The following RAB38 variants were observed in gnomAD, a reference collection of about 807,000 sequenced individuals.
The protein encoded by RAB38 is ras-related protein Rab-38.
In RAB38, 15 loss-of-function variants were observed where a neutral mutation model predicts 18.4. That is an observed-to-expected ratio of 0.82 (90% CI 0.55 to 1.26). The LOEUF (loss-of-function observed/expected upper bound fraction) is 1.26. Among genes scored for constraint, RAB38 ranks in the 50% most tolerant of loss-of-function variants. The probability of loss-of-function intolerance (pLI) is 0.00; values close to 1 mark genes in which losing one functional copy is unlikely to be tolerated. For missense variants in RAB38, 294 were observed against 267.4 expected, an observed-to-expected ratio of 1.10 and a Z score of -0.69; for synonymous variants, 101 against 104.4, an observed-to-expected ratio of 0.97 and a Z score of 0.20.
At chr11:87,938,727 C>A in the RAB38 span, among the ~76,000 whole-genome samples, 2 of 147,926 alleles carry the variant, frequency 1.4e-5, no homozygotes, top group South Asian at 2.1e-4. Flanking sequence ...TGTGACCATG[C>A]GCATTTCCAG....
chr11:88,017,801 A>C, the RAB38 span, among the ~76,000 whole-genome samples: 1 of 150,880 alleles, frequency 6.6e-6, no homozygotes, highest in South Asian at 2.1e-4. Context: ...TTTCAGACTG[A>C]TATGGTTTGG....
At chr11:87,849,631 A>G in the RAB38 span, among the ~76,000 whole-genome samples, 1 of 152,226 alleles carries the variant, frequency 6.6e-6, no homozygotes, top group East Asian at 1.9e-4. Context: ...TCCTGTGAAT[A>G]TCTTTGGGTG....
chr11:88,047,177 C>G, the RAB38 span, among the ~76,000 whole-genome samples: 1 of 152,198 alleles, frequency 6.6e-6, no homozygotes, highest in East Asian at 1.9e-4. Flanking sequence ...GCTCCCCCGG[C>G]TCCTTCAGCT....
chr11:87,940,502 G>A, the RAB38 span, among the ~76,000 whole-genome samples: 1 of 152,096 alleles, frequency 6.6e-6, no homozygotes, highest in Non-Finnish European at 1.5e-5. Context: ...ATTGATATGT[G>A]TCTGCCTGTG....
At chr11:88,017,734 AT>A in the RAB38 span, among the ~76,000 whole-genome samples, 628 of 146,722 alleles carry the variant, frequency 4.3e-3, 3 homozygotes, top group African/African-American at 0.015. Context: ...TTATATATAT[AT>A]ATAATATATA....
chr11:87,946,602 C>T, the RAB38 span, among the ~76,000 whole-genome samples: 1 of 151,988 alleles, frequency 6.6e-6, no homozygotes, highest in Non-Finnish European at 1.5e-5. Context: ...CATGTGTTCT[C>T]ATTGTTCAAT....
chr11:87,876,507 C>A, the RAB38 span, among the ~76,000 whole-genome samples: 2 of 151,604 alleles, frequency 1.3e-5, no homozygotes, highest in East Asian at 2.0e-4. Context: ...GAAAGAGTAA[C>A]AAATATTAAT....
At chr11:88,151,402 C>G (rs1046917548) in intron 1 of RAB38, among the ~76,000 whole-genome samples, 1 of 152,100 alleles carries the variant, frequency 6.6e-6, no homozygotes, top group Non-Finnish European at 1.5e-5. Flanking sequence ...GAACAAAATC[C>G]TACTACTTCT....
At chr11:87,869,461 T>C in the RAB38 span, among the ~76,000 whole-genome samples, 1 of 151,688 alleles carries the variant, frequency 6.6e-6, no homozygotes, top group Non-Finnish European at 1.5e-5. Flanking sequence ...CTTACTCTAC[T>C]ATAGTGCATC....
chr11:88,123,166 A>T (rs1485538625), intron 2 of RAB38, among the ~76,000 whole-genome samples: 1 of 152,122 alleles, frequency 6.6e-6, no homozygotes, highest in Non-Finnish European at 1.5e-5. Flanking sequence ...TGACTCCCCG[A>T]GGCTGAGCAG....
At chr11:87,807,249 A>G in the RAB38 span, among the ~76,000 whole-genome samples, 2 of 152,240 alleles carry the variant, frequency 1.3e-5, no homozygotes, top group African/African-American at 4.8e-5. Flanking sequence ...GCTGATGCAT[A>G]GAAAATATTT....
At chr11:87,976,987 TAC>T in the RAB38 span, among the ~76,000 whole-genome samples, 165 of 29,864 alleles carry the variant, frequency 5.5e-3, 67 homozygotes, top group Admixed American at 7.9e-3. Context: ...AAAATATAAT[TAC>T]ATTATACAAG....
the RAB38 span, among the ~76,000 whole-genome samples, chr11:88,010,847 C>T: frequency 7.2e-5 from 11 of 152,230 alleles, no homozygotes; most frequent in East Asian, 1.9e-3. Flanking sequence ...TCGTAGTCAC[C>T]TGTTTCATGC....
At chr11:88,102,738 T>A in the RAB38 span, among the ~76,000 whole-genome samples, 1 of 151,994 alleles carries the variant, frequency 6.6e-6, no homozygotes, top group Admixed American at 6.6e-5. Context: ...TCAGACAAAC[T>A]CCCTTGCTCT....
chr11:88,152,432 T>C (rs1943073883), intron 1 of RAB38, among the ~76,000 whole-genome samples: 1 of 152,148 alleles, frequency 6.6e-6, no homozygotes, highest in African/African-American at 2.4e-5. Flanking sequence ...TGTGTGTGTA[T>C]ATATATATGT....
chr11:87,841,501 T>G, the RAB38 span, among the ~76,000 whole-genome samples: 1 of 152,194 alleles, frequency 6.6e-6, no homozygotes, highest in Non-Finnish European at 1.5e-5. Context: ...TTCTGAAAGG[T>G]TCAGATTTTT....
chr11:88,170,336 C>A (rs1943295900), intron 1 of RAB38, among the ~76,000 whole-genome samples: 1 of 152,190 alleles, frequency 6.6e-6, no homozygotes, highest in Non-Finnish European at 1.5e-5. Flanking sequence ...TTTTATTTGA[C>A]ACACTCATCG....
At chr11:87,891,588 A>G in the RAB38 span, among the ~76,000 whole-genome samples, 1 of 151,968 alleles carries the variant, frequency 6.6e-6, no homozygotes, top group South Asian at 2.1e-4. Flanking sequence ...TTTTCATTAG[A>G]AATATATTTA....
intron 2 of RAB38, 133 bp downstream of exon 2, chr11:88,149,542 G>A: frequency 9.5e-7 from 1 of 1,051,572 alleles, no homozygotes; most frequent in South Asian, 1.8e-5. Context: ...AGATGAGAAA[G>A]AGCTTAGAGC....
Sources: gnomAD v4.1 joint callset for allele counts (sites outside exome capture counted in the v4.1 genomes callset) on GRCh38, gnomAD v4.1.1 for gene constraint, MANE v1.5 for transcripts, NCBI Gene and HGNC (gene_info 2026-07-23, HGNC 2026-07-21) for gene names.